Variants in ADAMTS6 observed in about 807,000 individuals in gnomAD.
ADAMTS6 encodes A disintegrin and metalloproteinase with thrombospondin motifs 6.
Under a neutral mutation model 144.3 loss-of-function variants are expected in ADAMTS6, and 23 were observed. That is an observed-to-expected ratio of 0.16 (90% CI 0.11 to 0.23). The LOEUF (loss-of-function observed/expected upper bound fraction) is 0.23. ADAMTS6 is among the 10% of genes least tolerant of loss of function. The pLI is 1.00. For synonymous variants in ADAMTS6, 444 were observed against 457.5 expected (o/e 0.97, Z 0.38); for missense variants, 999 against 1,379.6 (o/e 0.72, Z 4.37).
rs13160146 is a variant in ADAMTS6 at position 65,216,604 on chromosome 5, C to T, written c.2273-1117G>A. Among the ~76,000 whole-genome samples, 1,057 of 151,638 alleles carry T rather than the reference C, an allele frequency of 7.0e-3. 10 individuals carry two copies. The highest frequency in any genetic ancestry group is 0.012 in the Non-Finnish European group (820 of 67,900). On this transcript the variant is annotated intron_variant, in intron 18 of 24. Transcript: ENST00000381055. ...GTTAAAAAAAGAGAAAGGATAAATG[C>T]CAGATGGGTAAATATTTAAATATAA...
chr5:65,460,454 G>A (rs1759562724), intron 3 of ADAMTS6, 116 bp from the exon 4 acceptor site: 16 of 924,700 alleles, frequency 1.7e-5, no homozygotes, highest in South Asian at 5.6e-5. Context: ...GTTAAAACAC[G>A]TTAATAAAAA....
chr5:65,193,076 C>G (rs1040586449), intron 21 of ADAMTS6, among the ~76,000 whole-genome samples: 5 of 151,824 alleles, frequency 3.3e-5, no homozygotes, highest in Non-Finnish European at 7.4e-5. Flanking sequence ...TAGATCCCTT[C>G]CTCAAATCAG....
intron 15 of ADAMTS6, among the ~76,000 whole-genome samples, chr5:65,232,737 C>T (rs1335317531): frequency 6.6e-6 from 1 of 151,068 alleles, no homozygotes; most frequent in Non-Finnish European, 1.5e-5. Flanking sequence ...AGTGCGATAC[C>T]TTATACTTCA....
intron 7 of ADAMTS6, among the ~76,000 whole-genome samples, chr5:65,444,541 A>C (rs1435279311): frequency 6.6e-6 from 1 of 152,234 alleles, no homozygotes; most frequent in Non-Finnish European, 1.5e-5. Flanking sequence ...CAAAGGTATA[A>C]AAACACTGAA....
chr5:65,170,732 C>T lies in ADAMTS6; in HGVS notation c.3129G>A (p.Val1043=), dbSNP rs893740534. 3 of 1,614,158 alleles carry T rather than the reference C, an allele frequency of 1.9e-6. No homozygotes were observed. The highest frequency in any genetic ancestry group is 1.7e-5 in the Admixed American group (1 of 60,016). Residue 1043 remains valine (V), a synonymous_variant, in exon 24 of 25, where the codon GTG becomes GTA. Transcript: ENST00000381055. ...QCGLGQQMRT[V]QCLSYTGQAS... is the part of the protein sequence containing the mutation. Reference sequence around the variant, plus strand: ...CCTGTCCGGTGTAGGAGAGACACTGCACAGTTCTCATCTGCTGTCCAAGGC... The same window carrying T: ...CCTGTCCGGTGTAGGAGAGACACTGTACAGTTCTCATCTGCTGTCCAAGGC...
intron 14 of ADAMTS6, among the ~76,000 whole-genome samples, chr5:65,247,651 C>T (rs1000993131): frequency 1.3e-5 from 2 of 152,012 alleles, no homozygotes; most frequent in African/African-American, 2.4e-5. Context: ...AGAATGAAAA[C>T]GCCTTTGTCC....
At chr5:65,180,130 A>G (rs975606665) in intron 22 of ADAMTS6, among the ~76,000 whole-genome samples, 26 of 152,234 alleles carry the variant, frequency 1.7e-4, no homozygotes, top group African/African-American at 4.8e-4. Flanking sequence ...CACCGTGCAC[A>G]TGTACACACA....
chr5:65,316,699 G>A (rs1249359649), intron 9 of ADAMTS6, among the ~76,000 whole-genome samples: 4 of 151,986 alleles, frequency 2.6e-5, no homozygotes, highest in Non-Finnish European at 5.9e-5. Flanking sequence ...ATATTAACAA[G>A]ACAAAGAAGA....
In ADAMTS6 at chr5:65,238,420, T is replaced by C. The variant is rs755925889; in HGVS notation, c.1933+3684A>G. 7.9e-5 allele frequency among the ~76,000 whole-genome samples: 12 copies of C among 152,102 alleles called. No homozygotes were observed. In the East Asian group the frequency reaches 2.1e-3, roughly 27 times the overall value. On this transcript the variant is annotated intron_variant, in intron 15 of 24. Transcript: ENST00000381055. ...GAGTTGGAGACCAACCTGGGCAACA[T>C]GGTGAAACCCTGTGTCTACAAAAAA...
At chr5:65,256,985 CTTTTTTT>C (rs545846781) in intron 14 of ADAMTS6, among the ~76,000 whole-genome samples, 50 of 88,662 alleles carry the variant, frequency 5.6e-4, no homozygotes, top group South Asian at 3.5e-3. Context: ...CTCTCTCTCT[CTTTTTTT>C]TTTTTTTTTT....
chr5:65,391,190 G>T (rs6897772), intron 7 of ADAMTS6, among the ~76,000 whole-genome samples: 1 of 151,952 alleles, frequency 6.6e-6, no homozygotes, highest in Non-Finnish European at 1.5e-5. Context: ...CAAGTGCCAG[G>T]ATTACAGGTA....
intron 7 of ADAMTS6, among the ~76,000 whole-genome samples, chr5:65,354,924 C>T (rs1440415419): frequency 1.3e-5 from 2 of 151,704 alleles, no homozygotes; most frequent in Non-Finnish European, 3.0e-5. Context: ...AATGAAGTGT[C>T]GGGAAAGGTA....
chr5:65,336,214 G>T (rs1747292022), intron 7 of ADAMTS6, among the ~76,000 whole-genome samples: 1 of 152,068 alleles, frequency 6.6e-6, no homozygotes, highest in African/African-American at 2.4e-5. Context: ...GTATCTAAGG[G>T]AGAGGTGGGA....
chr5:65,163,114 T>G (rs751644234), intron 24 of ADAMTS6, among the ~76,000 whole-genome samples: 25 of 152,184 alleles, frequency 1.6e-4, no homozygotes, highest in Non-Finnish European at 2.8e-4. Context: ...CTCACTATGC[T>G]GCCCAGCATG....
chr5:65,291,547 A>G (rs1329719177), intron 10 of ADAMTS6, 77 bp from the exon 11 acceptor site: 5 of 1,427,714 alleles, frequency 3.5e-6, no homozygotes, highest in Non-Finnish European at 4.6e-6. Context: ...CCACGTGTTG[A>G]GCTTTGTTTT....
intron 7 of ADAMTS6, among the ~76,000 whole-genome samples, chr5:65,371,221 C>T (rs1359682467): frequency 4.6e-5 from 7 of 152,224 alleles, no homozygotes; most frequent in Non-Finnish European, 1.0e-4. Flanking sequence ...CACCTCTCCT[C>T]CTCCAAAGGA....
chr5:65,343,854 G>T (rs1046209496), intron 7 of ADAMTS6, among the ~76,000 whole-genome samples: 13 of 151,812 alleles, frequency 8.6e-5, no homozygotes, highest in African/African-American at 3.1e-4. Context: ...CATCTCAACA[G>T]CAAAAGTACA....
intron 7 of ADAMTS6, among the ~76,000 whole-genome samples, chr5:65,422,794 GT>G (rs1756179419): frequency 6.6e-6 from 1 of 152,074 alleles, no homozygotes; most frequent in Non-Finnish European, 1.5e-5. Flanking sequence ...CCACTACTGG[GT>G]ATCTACCCAA....
intron 3 of ADAMTS6, among the ~76,000 whole-genome samples, chr5:65,460,892 T>G (rs564915616): frequency 6.6e-6 from 1 of 152,194 alleles, no homozygotes; most frequent in African/African-American, 2.4e-5. Flanking sequence ...AGATGTCTGA[T>G]GTAGACACAG....
Sources: gnomAD v4.1 joint callset for allele counts (sites outside exome capture counted in the v4.1 genomes callset) on GRCh38, gnomAD v4.1.1 for gene constraint, MANE v1.5 for transcripts, NCBI Gene and HGNC (gene_info 2026-07-23, HGNC 2026-07-21) for gene names.